EFHB: variants seen among roughly 807,000 people sequenced by gnomAD.
EFHB encodes EF-hand domain-containing family member B.
In EFHB, 91 loss-of-function variants were observed where a neutral mutation model predicts 87.2. That is an observed-to-expected ratio of 1.04 (90% CI 0.88 to 1.24). The LOEUF is 1.24. Among genes scored for constraint, EFHB ranks in the 50% most tolerant of loss-of-function variants. The probability of loss-of-function intolerance (pLI) is 0.00; values close to 1 mark genes in which losing one functional copy is unlikely to be tolerated. For missense variants in EFHB, 1,084 were observed against 998.8 expected (o/e 1.09, Z -1.15); for synonymous variants, 325 against 333.6 (o/e 0.97, Z 0.28).
intron 1 of EFHB, among the ~76,000 whole-genome samples, chr3:19,922,115 A>C (rs528477871): frequency 1.1e-3 from 164 of 152,298 alleles, no homozygotes; most frequent in African/African-American, 3.5e-3. Flanking sequence ...CAGTGAGCCG[A>C]GGCCATGCCA....
At chr3:19,902,884 A>C (rs1435603441) in intron 6 of EFHB, among the ~76,000 whole-genome samples, 1 of 152,040 alleles carries the variant, frequency 6.6e-6, no homozygotes, top group African/African-American at 2.4e-5. Context: ...TAAGTTTCAA[A>C]ATACAAAAAG....
intron 5 of EFHB, among the ~76,000 whole-genome samples, chr3:19,913,446 A>G (rs1367008820): frequency 6.6e-6 from 1 of 152,232 alleles, no homozygotes; most frequent in Non-Finnish European, 1.5e-5. Context: ...CCCATGTATT[A>G]AACACAATAG....
Position 19,879,908 on chromosome 3 carries a change from T to C in EFHB, c.2329-104A>G, listed in dbSNP as rs1011116037. ...GACTATGGATATTTTTCCAAAAAAG[T>C]ATGTGTGAAAAGTATGTGTGTGTAT... is the stretch of plus-strand genomic sequence containing the variant. On this transcript the variant is annotated intron_variant, in intron 12 of 12. Coordinates refer to ENST00000295824, the MANE Select transcript of EFHB (RefSeq NM_144715.4). The C allele has an allele frequency of 4.3e-5, 50 of 1,160,934 alleles. No homozygotes were observed. In the African/African-American group the frequency reaches 6.7e-4, roughly 16 times the overall value. The allele number at this position is 1,160,934 out of a possible 1,614,324, so 71.9% of individuals were successfully genotyped here. A position where few individuals can be genotyped will look rare whatever the true frequency, so the allele number is the denominator to read the frequency against.
At chr3:19,898,937 T>A in intron 7 of EFHB, 92 bp from the exon 8 acceptor site, 1 of 1,260,142 alleles carries the variant, frequency 7.9e-7, no homozygotes. Context: ...TAGTAGCCCA[T>A]ATTTTATCTC....
In EFHB at chr3:19,896,756, C is replaced by G; in HGVS notation, c.1656G>C (p.Arg552=). ...DRQRALIAAV[R]HHLKKVNYQK... The stretch of plus-strand genomic sequence containing the variant: ...GGTAATTAACTTTCTTCAGGTGATG[C>G]CGAACTGCTGCAATCAGGGCTCGCT... The change falls in exon 9 of 13, where the codon CGG becomes CGC. Residue 552 remains arginine (R), a synonymous_variant. Coordinates refer to ENST00000295824, the MANE Select transcript of EFHB (RefSeq NM_144715.4). 1 of 1,613,808 alleles carries G rather than the reference C, an allele frequency of 6.2e-7. No individual in the cohort carries two copies. The highest frequency in any genetic ancestry group is 8.5e-7 in the Non-Finnish European group (1 of 1,179,724).
chr3:19,936,323 C>T (rs1220488481), upstream of EFHB: 3 of 532,562 alleles, frequency 5.6e-6, no homozygotes, highest in East Asian at 3.1e-5. Context: ...GCATGCCAGC[C>T]TGGGCGACAG....
intron 1 of EFHB, among the ~76,000 whole-genome samples, chr3:19,925,386 A>G (rs1160697475): frequency 6.6e-6 from 1 of 152,182 alleles, no homozygotes; most frequent in African/African-American, 2.4e-5. Flanking sequence ...TAGATATATC[A>G]TAAATGTATA....
chr3:19,899,371 A>T, intron 7 of EFHB, 61 bp downstream of exon 7: 1 of 1,237,828 alleles, frequency 8.1e-7, no homozygotes, highest in Non-Finnish European at 1.1e-6. Flanking sequence ...CAGTTACCAC[A>T]AGAGTATTTT....
At chr3:19,914,720 A>C (rs1695168111) in intron 5 of EFHB, among the ~76,000 whole-genome samples, 1 of 152,138 alleles carries the variant, frequency 6.6e-6, no homozygotes, top group Non-Finnish European at 1.5e-5. Flanking sequence ...ATGAGCTAGG[A>C]TTTGAACCTG....
At chr3:19,919,060 T>C (rs756573741) in intron 3 of EFHB, among the ~76,000 whole-genome samples, 7 of 151,748 alleles carry the variant, frequency 4.6e-5, no homozygotes, top group Non-Finnish European at 8.8e-5. Context: ...TCTTCAGATA[T>C]AGAGATCAGG....
intron 6 of EFHB, among the ~76,000 whole-genome samples, chr3:19,901,587 T>C (rs1290922781): frequency 6.6e-6 from 1 of 152,150 alleles, no homozygotes; most frequent in East Asian, 1.9e-4. Flanking sequence ...GGGAAGAATG[T>C]AGGTGGAGTC....
intron 1 of EFHB, chr3:19,946,394 G>GA (rs1270565526): frequency 6.6e-6 from 1 of 152,264 alleles, no homozygotes; most frequent in African/African-American, 2.4e-5. Flanking sequence ...GTTTCAGAAT[G>GA]AAAGACTCGA....
At chr3:19,914,282 T>G (rs1310201921) in intron 5 of EFHB, among the ~76,000 whole-genome samples, 1 of 152,122 alleles carries the variant, frequency 6.6e-6, no homozygotes, top group Non-Finnish European at 1.5e-5. Context: ...GCAATAGACA[T>G]GAAATTTTTC....
intron 12 of EFHB, among the ~76,000 whole-genome samples, chr3:19,880,494 C>T (rs887273345): frequency 1.3e-5 from 2 of 152,082 alleles, no homozygotes; most frequent in Non-Finnish European, 2.9e-5. Context: ...TCAAATGATC[C>T]ACCCATCTCG....
At chr3:19,917,089 G>A (rs1362972376) in intron 4 of EFHB, among the ~76,000 whole-genome samples, 1 of 151,918 alleles carries the variant, frequency 6.6e-6, no homozygotes, top group East Asian at 1.9e-4. Context: ...GAAAAGAAGA[G>A]GCAGGGAATA....
chr3:19,908,562 A>AAGAGAGAG (rs71624361), intron 5 of EFHB, among the ~76,000 whole-genome samples: 19 of 83,898 alleles, frequency 2.3e-4, no homozygotes, highest in South Asian at 5.6e-4. Context: ...GAAAGAGAGA[A>AAGAGAGAG]AGAGAGAGAG....
intron 10 of EFHB, among the ~76,000 whole-genome samples, chr3:19,885,828 C>A (rs1386312): frequency 0.22 from 33,563 of 152,058 alleles, 5,794 homozygotes; most frequent in African/African-American, 0.48. Flanking sequence ...CTCCACCTCA[C>A]CAAAAGTAGA....
chr3:19,933,249 C>T lies in EFHB; in HGVS notation c.770G>A (p.Arg257Gln), dbSNP rs1488808954. The T allele has an allele frequency of 1.9e-5, 31 of 1,612,942 alleles. No homozygotes were observed. The highest frequency in any genetic ancestry group is 2.4e-5 in the Non-Finnish European group (28 of 1,179,228). ...RPIYSGKFFD[R>Q]TPCWPSAGKV... ...ACTTACACTTGGCCAGCAAGGGGTC[C>T]GATCAAAAAACTTCCCAGAGTATAT... Residue 257 changes from arginine (R) to glutamine (Q), a missense_variant, in exon 1 of 13, where the codon CGG becomes CAG. Coordinates refer to ENST00000295824, the MANE Select transcript of EFHB (RefSeq NM_144715.4).
chr3:19,922,952 C>T (rs1278847449), intron 1 of EFHB, among the ~76,000 whole-genome samples: 1 of 152,200 alleles, frequency 6.6e-6, no homozygotes, highest in East Asian at 1.9e-4. Context: ...ATAAAGGCTG[C>T]CTCATCTCTT....
Sources: gnomAD v4.1 joint callset for allele counts (sites outside exome capture counted in the v4.1 genomes callset) on GRCh38, gnomAD v4.1.1 for gene constraint, MANE v1.5 for transcripts, NCBI Gene and HGNC (gene_info 2026-07-23, HGNC 2026-07-21) for gene names.